Variants in PSD3 observed in about 807,000 individuals in gnomAD.
PSD3 encodes the protein PH and SEC7 domain-containing protein 3.
A neutral mutation model predicts 105.5 loss-of-function variants in PSD3; 49 were observed. The ratio of observed to expected loss-of-function variants is 0.46; its 90% CI spans 0.37 to 0.59. The LOEUF is 0.59. Ranked by LOEUF, PSD3 falls within the 20% of genes least tolerant of loss-of-function variation. PSD3 has a pLI of 0.00. For missense variants in PSD3, 1,561 were observed against 1,263.8 expected (o/e 1.24, Z -3.57); for synonymous variants, 557 against 457.8 (o/e 1.22, Z -2.77).
chr8:18,704,285 T>A (rs1717754471), intron 9 of PSD3, among the ~76,000 whole-genome samples: 1 of 152,176 alleles, frequency 6.6e-6, no homozygotes. Flanking sequence ...AGAGGACCAG[T>A]TCTAGCAAGA....
chr8:18,627,246 G>T (rs1341654667), intron 11 of PSD3, among the ~76,000 whole-genome samples: 1 of 151,984 alleles, frequency 6.6e-6, no homozygotes. Context: ...AGTTGAGGAG[G>T]TAAGAAAGGA....
intron 4 of PSD3, among the ~76,000 whole-genome samples, chr8:18,815,403 G>T (rs989569113): frequency 6.6e-6 from 1 of 152,098 alleles, no homozygotes. Context: ...CCACCTCCAG[G>T]GTTCAAGCGA....
intron 1 of PSD3, among the ~76,000 whole-genome samples, chr8:19,045,963 A>G (rs573054059): frequency 6.6e-6 from 1 of 152,202 alleles, no homozygotes; most frequent in Non-Finnish European, 1.5e-5. Context: ...TATAACCATC[A>G]TCCCTTATCC....
intron 9 of PSD3, among the ~76,000 whole-genome samples, chr8:18,670,321 C>G (rs17127021): frequency 0.041 from 6,205 of 152,212 alleles, 415 homozygotes; most frequent in African/African-American, 0.14. Context: ...GGCTTTTAAA[C>G]CAGAAAAGTT....
intron 9 of PSD3, among the ~76,000 whole-genome samples, chr8:18,751,370 C>T (rs1805477627): frequency 6.6e-6 from 1 of 152,132 alleles, no homozygotes; most frequent in Non-Finnish European, 1.5e-5. Flanking sequence ...ATATTTTGCT[C>T]AAAAGACATC....
chr8:18,878,361 T>G (rs145097482), intron 2 of PSD3, among the ~76,000 whole-genome samples: 107 of 152,300 alleles, frequency 7.0e-4, no homozygotes, highest in African/African-American at 2.4e-3. Context: ...TACCAGATCA[T>G]GTCATCTGTG....
intron 1 of PSD3, among the ~76,000 whole-genome samples, chr8:19,035,703 T>G (rs1827918168): frequency 6.6e-6 from 1 of 151,078 alleles, no homozygotes; most frequent in Non-Finnish European, 1.5e-5. Context: ...GAAGAGAATA[T>G]GACTGCATAT....
At chr8:18,690,991 T>C (rs768741052) in intron 9 of PSD3, among the ~76,000 whole-genome samples, 2 of 151,676 alleles carry the variant, frequency 1.3e-5, no homozygotes, top group East Asian at 2.0e-4. Context: ...ACTATAAGAA[T>C]TGGCGGTTAG....
At chr8:18,673,399 T>C (rs1436436032) in intron 9 of PSD3, among the ~76,000 whole-genome samples, 1 of 152,136 alleles carries the variant, frequency 6.6e-6, no homozygotes, top group Non-Finnish European at 1.5e-5. Context: ...TTCCCTGGAG[T>C]TAATCATCAT....
chr8:18,778,184 T>C (rs1401368670), intron 8 of PSD3, among the ~76,000 whole-genome samples: 4 of 152,194 alleles, frequency 2.6e-5, no homozygotes, highest in African/African-American at 9.7e-5. Flanking sequence ...CGAATGAAAT[T>C]ACTCCTGGGT....
At chr8:19,056,437 G>T (rs1027269982) in intron 1 of PSD3, among the ~76,000 whole-genome samples, 2 of 152,178 alleles carry the variant, frequency 1.3e-5, no homozygotes, top group Non-Finnish European at 2.9e-5. Flanking sequence ...AAAAAAGAAG[G>T]CTCCTGATGG....
At chr8:19,047,065 G>A (rs1048353716) in intron 1 of PSD3, among the ~76,000 whole-genome samples, 10 of 150,746 alleles carry the variant, frequency 6.6e-5, no homozygotes, top group South Asian at 6.2e-4. Flanking sequence ...CTCCCTCTCC[G>A]GGGCTCGTTG....
intron 2 of PSD3, among the ~76,000 whole-genome samples, chr8:18,934,422 T>C (rs1821941087): frequency 6.6e-6 from 1 of 152,200 alleles, no homozygotes; most frequent in Non-Finnish European, 1.5e-5. Context: ...TAAGATCCTT[T>C]TTTTTTGAGA....
chr8:18,988,108 TAA>T (rs920756708), intron 1 of PSD3, among the ~76,000 whole-genome samples: 12 of 122,222 alleles, frequency 9.8e-5, no homozygotes, highest in East Asian at 4.4e-4. Context: ...AATAAATAAA[TAA>T]ATACATATAT....
intron 9 of PSD3, among the ~76,000 whole-genome samples, chr8:18,658,421 T>C (rs1160349891): frequency 6.6e-6 from 1 of 152,216 alleles, no homozygotes; most frequent in Non-Finnish European, 1.5e-5. Flanking sequence ...CTTTCCCGTG[T>C]AGCCTAGACG....
intron 12 of PSD3, among the ~76,000 whole-genome samples, chr8:18,596,149 A>ACAAT (rs1438740171): frequency 8.1e-6 from 1 of 123,552 alleles, no homozygotes; most frequent in African/African-American, 2.8e-5. Flanking sequence ...ATGATCCTGA[A>ACAAT]CAATCAATGG....
intron 2 of PSD3, among the ~76,000 whole-genome samples, chr8:18,895,350 A>G (rs1467353451): frequency 6.6e-6 from 1 of 152,194 alleles, no homozygotes; most frequent in African/African-American, 2.4e-5. Context: ...CATCATTAAC[A>G]TCTCCTGTCA....
At chr8:18,997,257 C>G (rs1826131957) in intron 1 of PSD3, among the ~76,000 whole-genome samples, 1 of 151,890 alleles carries the variant, frequency 6.6e-6, no homozygotes, top group Non-Finnish European at 1.5e-5. Context: ...CTGATCCTTT[C>G]CAAAATCAGC....
intron 4 of PSD3, among the ~76,000 whole-genome samples, chr8:18,815,872 A>T (rs1193355426): frequency 6.6e-6 from 1 of 152,144 alleles, no homozygotes; most frequent in African/African-American, 2.4e-5. Context: ...TACCTACTAC[A>T]ACTACACTGA....
Sources: allele counts gnomAD v4.1 joint callset (sites outside exome capture counted in the v4.1 genomes callset), GRCh38; gene constraint gnomAD v4.1.1; transcripts MANE v1.5; gene names NCBI Gene and HGNC (gene_info 2026-07-23, HGNC 2026-07-21).